Variants in GTPBP10 observed in about 807,000 individuals in gnomAD.
GTPBP10 encodes the protein GTP binding protein 10.
GTPBP10 carries 38 observed loss-of-function variants against 44.8 expected under a neutral mutation model. The observed-to-expected ratio is 0.85, with a 90% CI of 0.65 to 1.11. GTPBP10 has a LOEUF of 1.11. Ranked by LOEUF, GTPBP10 falls within the 50% of genes most tolerant of loss-of-function variation. GTPBP10 has a pLI of 0.00. For missense variants in GTPBP10, 462 were observed against 453.7 expected (o/e 1.02, Z -0.17); for synonymous variants, 152 against 150.6 (o/e 1.01, Z -0.07).
At chr7:90,364,582 G>A (rs1796094023) in intron 4 of GTPBP10, among the ~76,000 whole-genome samples, 1 of 152,206 alleles carries the variant, frequency 6.6e-6, no homozygotes, top group Non-Finnish European at 1.5e-5. Flanking sequence ...GGGGATCAGG[G>A]ACCCACTTGA....
chr7:90,364,635 G>T (rs1251866672), intron 4 of GTPBP10, among the ~76,000 whole-genome samples: 1 of 152,206 alleles, frequency 6.6e-6, no homozygotes, highest in Non-Finnish European at 1.5e-5. Flanking sequence ...TCCGTGCTGG[G>T]AGAACTGCTA....
Position 90,380,347 on chromosome 7 carries a change from G to T in GTPBP10, c.777+2136G>T, listed in dbSNP as rs187638361. ...GCCCACCTGGCTTCCCAGAGTGCTGGGATTACAGACGTGAGCCACCATGCC... is the reference window on the plus strand; with the variant it reads ...GCCCACCTGGCTTCCCAGAGTGCTGTGATTACAGACGTGAGCCACCATGCC... On this transcript the variant is annotated intron_variant, in intron 8 of 9. Coordinates refer to ENST00000222511, the MANE Select transcript of GTPBP10 (RefSeq NM_033107.4). 1.8e-3 allele frequency among the ~76,000 whole-genome samples: 275 copies of T among 152,064 alleles called. 2 individuals carry two copies. Among genetic ancestry groups the T allele is most frequent in the African/African-American group, 6.4e-3 (267 of 41,498 alleles).
chr7:90,363,340 AATCT>A (rs1417441185), intron 4 of GTPBP10, among the ~76,000 whole-genome samples: 9 of 152,126 alleles, frequency 5.9e-5, no homozygotes, highest in Non-Finnish European at 1.0e-4. Context: ...GTGTTGACAA[AATCT>A]CTCAGCATTT....
At position 90,354,491 on chromosome 7, in the gene GTPBP10, C is replaced by T; in HGVS notation, c.261C>T (p.Asp87=). The T allele has an allele frequency of 6.3e-7, 1 of 1,590,266 alleles. No homozygotes were observed. The highest frequency in any genetic ancestry group is 8.6e-7 in the Non-Finnish European group (1 of 1,168,240). ...ISALKGSKGK[D]CEIPVPVGIS... is the part of the protein sequence containing the mutation. ...CACTGAAAGGCTCCAAAGGAAAAGA[C>T]TGTGAAATCCCTGTGCCTGTGGGTA... Residue 87 remains aspartate (D), a synonymous_variant, in exon 3 of 10, where the codon GAC becomes GAT. Transcript: ENST00000222511.
intron 4 of GTPBP10, among the ~76,000 whole-genome samples, chr7:90,357,060 C>A (rs1795916968): frequency 6.6e-6 from 1 of 152,118 alleles, no homozygotes; most frequent in Admixed American, 6.6e-5. Flanking sequence ...AGTAGATATC[C>A]TTTTAGCTGG....
At chr7:90,362,205 G>C (rs1332059009) in intron 4 of GTPBP10, among the ~76,000 whole-genome samples, 2 of 151,934 alleles carry the variant, frequency 1.3e-5, no homozygotes, top group African/African-American at 4.8e-5. Context: ...TGCTTCTCTA[G>C]TTCTTTTAAC....
chr7:90,383,029 A>G lies in GTPBP10; in HGVS notation c.851A>G (p.Asp284Gly). Residue 284 changes from aspartate (D) to glycine (G), a missense_variant, in exon 9 of 10, where the codon GAT becomes GGT. Coordinates refer to ENST00000222511, the MANE Select transcript of GTPBP10 (RefSeq NM_033107.4). ...LLAVNKMDLP[D>G]AQDKFHELMS... ...GCAGTTAATAAAATGGACTTGCCAG[A>G]TGCCCAAGATAAGTTCCATGAATTG... is the stretch of plus-strand genomic sequence containing the variant. 1 of 1,598,332 alleles carries G rather than the reference A, an allele frequency of 6.3e-7. No individual in the cohort carries two copies. The highest frequency in any genetic ancestry group is 8.5e-7 in the Non-Finnish European group (1 of 1,169,886).
chr7:90,352,937 G>T lies in GTPBP10; in HGVS notation c.155G>T (p.Arg52Ile). 6.2e-7 allele frequency: 1 copy of T among 1,613,804 alleles called. No homozygotes were observed. Among genetic ancestry groups the T allele is most frequent in the Non-Finnish European group, 8.5e-7 (1 of 1,179,876 alleles). The change falls in exon 2 of 10, where the codon AGA (arginine) becomes ATA (isoleucine). Residue 52 changes from arginine (R) to isoleucine (I), a missense_variant. Coordinates refer to ENST00000222511, the MANE Select transcript of GTPBP10 (RefSeq NM_033107.4). ...GGDVWVVAQN[R>I]MTLKQLKDRY... ...GATGTCTGGGTTGTAGCCCAGAACA[G>T]AATGACTTTAAAACAACTTAAAGAC...
At position 90,387,884 on chromosome 7, in the gene GTPBP10, T is replaced by C. The variant is rs1381989620; in HGVS notation, c.*2730T>C. 1 of 152,252 alleles carries C rather than the reference T, an allele frequency of 6.6e-6. No individual in the cohort carries two copies. Among genetic ancestry groups the C allele is most frequent in the Non-Finnish European group, 1.5e-5 (1 of 68,046 alleles). 9.4% of individuals were successfully genotyped at this position (152,252 alleles called of 1,614,324 possible). Reference sequence around the variant, plus strand: ...ACATTTGTAACTTCAGTGCTATTTTTTTTTAAGCTCCATTGTTTTCTAAAT... The same window carrying C: ...ACATTTGTAACTTCAGTGCTATTTTCTTTTAAGCTCCATTGTTTTCTAAAT... On this transcript the variant is annotated 3_prime_UTR_variant, in exon 10 of 10. Coordinates refer to ENST00000222511, the MANE Select transcript of GTPBP10 (RefSeq NM_033107.4).
chr7:90,380,651 G>T (rs1366659997), intron 8 of GTPBP10, among the ~76,000 whole-genome samples: 1 of 152,124 alleles, frequency 6.6e-6, no homozygotes, highest in Non-Finnish European at 1.5e-5. Flanking sequence ...TATTTTATGT[G>T]TGTTGAGAAT....
rs1162915317 is a variant in GTPBP10 at position 90,383,008 on chromosome 7, T to A, written c.830T>A (p.Val277Asp). 1 of 1,598,802 alleles carries A rather than the reference T, an allele frequency of 6.3e-7. No individual in the cohort carries two copies. The highest frequency in any genetic ancestry group is 8.5e-7 in the Non-Finnish European group (1 of 1,169,892). Residue 277 changes from valine to aspartate, a missense_variant, in exon 9 of 10, where the codon GTT (valine) becomes GAT (aspartate). By Grantham distance (152) the Val-to-Asp change is radical (BLOSUM62 -3). Transcript: ENST00000222511. Reference protein sequence around the residue: ...ELQTKPALLAVNKMDLPDAQD... With the variant: ...ELQTKPALLADNKMDLPDAQD... Reference sequence around the variant, plus strand: ...CAGACAAAACCTGCACTCTTGGCAGTTAATAAAATGGACTTGCCAGATGCC... The same window carrying A: ...CAGACAAAACCTGCACTCTTGGCAGATAATAAAATGGACTTGCCAGATGCC...
intron 4 of GTPBP10, among the ~76,000 whole-genome samples, chr7:90,364,346 C>T (rs184680654): frequency 3.6e-3 from 550 of 152,236 alleles, no homozygotes; most frequent in Non-Finnish European, 6.2e-3. Context: ...GTTAGTTTTC[C>T]TTCTAACAGT....
rs1796593403 is a variant in GTPBP10, at chr7:90,390,291, T to C, written c.*5137T>C. The C allele has an allele frequency of 6.6e-6, 1 of 152,166 alleles. No homozygotes were observed. The highest frequency in any genetic ancestry group is 1.5e-5 in the Non-Finnish European group (1 of 68,026). The allele number at this position is 152,166 out of a possible 1,614,324, so 9.4% of individuals were successfully genotyped here. On this transcript the variant is annotated 3_prime_UTR_variant, in exon 10 of 10. Transcript: ENST00000222511. ...CATGTCTCTCTGGATAGCTCAGAAGTATCAGTTGTGGTTATTGCCTCACTT... is the reference window on the plus strand; with the variant it reads ...CATGTCTCTCTGGATAGCTCAGAAGCATCAGTTGTGGTTATTGCCTCACTT...
At position 90,359,778 on chromosome 7, in the gene GTPBP10, A is replaced by G. The variant is rs1013559838; in HGVS notation, c.464+4548A>G. Among the ~76,000 whole-genome samples, 4 of 152,260 alleles carry G rather than the reference A, an allele frequency of 2.6e-5. No homozygotes were observed. In the South Asian group the frequency reaches 6.2e-4, roughly 24 times the overall value. On this transcript the variant is annotated intron_variant, in intron 4 of 9. Coordinates refer to ENST00000222511, the MANE Select transcript of GTPBP10 (RefSeq NM_033107.4). ...CACCAACAATGTAGAAGTGTTAACT[A>G]TTTCTCCACATCCTCTCCAGCACCT...
At position 90,386,493 on chromosome 7, in the gene GTPBP10, CTATT is replaced by C. The variant is rs1796526369; in HGVS notation, c.*1342_*1345del. ...CTATTTCACTTTCTTTTGTCATAAT[CTATT>C]TAATTTCCCACTTTCTTATTTTAGT... On this transcript the variant is annotated 3_prime_UTR_variant, in exon 10 of 10. Transcript: ENST00000222511. 1 of 152,132 alleles carries C rather than the reference CTATT, an allele frequency of 6.6e-6. No individual in the cohort carries two copies. The highest frequency in any genetic ancestry group is 2.1e-4 in the South Asian group (1 of 4,832). 9.4% of individuals were successfully genotyped at this position (152,132 alleles called of 1,614,324 possible). A position where few individuals can be genotyped will look rare whatever the true frequency, so the allele number is the denominator to read the frequency against.
intron 4 of GTPBP10, among the ~76,000 whole-genome samples, chr7:90,356,552 T>G (rs937403730): frequency 2.0e-5 from 3 of 152,190 alleles, no homozygotes; most frequent in African/African-American, 4.8e-5. Flanking sequence ...ACTATTTAGG[T>G]TAGGATCTCA....
intron 2 of GTPBP10, among the ~76,000 whole-genome samples, chr7:90,353,734 G>C (rs1166729496): frequency 6.6e-6 from 1 of 151,696 alleles, no homozygotes; most frequent in African/African-American, 2.4e-5. Flanking sequence ...AGAGTAGCCA[G>C]ATTTGCCTTC....
intron 5 of GTPBP10, 118 bp downstream of exon 5, chr7:90,372,346 G>T: frequency 1.5e-6 from 1 of 671,056 alleles, no homozygotes; most frequent in Non-Finnish European, 2.5e-6. Context: ...AAAATTTTTG[G>T]CAGATAGACT....
At chr7:90,353,120 G>T (rs1193397834) in intron 2 of GTPBP10, 111 bp downstream of exon 2, 3 of 695,266 alleles carry the variant, frequency 4.3e-6, no homozygotes, top group Non-Finnish European at 7.0e-6. Flanking sequence ...ATTATTTCCT[G>T]TATTTATAAC....
Sources: gnomAD v4.1 joint callset for allele counts (sites outside exome capture counted in the v4.1 genomes callset) on GRCh38, gnomAD v4.1.1 for gene constraint, MANE v1.5 for transcripts, NCBI Gene and HGNC (gene_info 2026-07-23, HGNC 2026-07-21) for gene names.